Variants in TBC1D5 observed in about 807,000 individuals in gnomAD.
The protein encoded by TBC1D5 is TBC1 domain family member 5.
In TBC1D5, 75 loss-of-function variants were observed where a neutral mutation model predicts 100.3. The ratio of observed to expected loss-of-function variants is 0.75; its 90% CI spans 0.62 to 0.91. TBC1D5 has a LOEUF of 0.91. TBC1D5 is among the 40% of genes least tolerant of loss of function. The pLI is 0.00. For synonymous variants in TBC1D5, 323 were observed against 325.6 expected (o/e 0.99, Z 0.09); for missense variants, 910 against 942.4 (o/e 0.97, Z 0.45).
chr3:17,193,113 A>ATGTG (rs2070176985), intron 18 of TBC1D5, among the ~76,000 whole-genome samples: 1 of 152,214 alleles, frequency 6.6e-6, no homozygotes, highest in South Asian at 2.1e-4. Flanking sequence ...TAAAGTTAAA[A>ATGTG]ATTGCCTGTG....
intron 15 of TBC1D5, among the ~76,000 whole-genome samples, chr3:17,272,706 C>G (rs1245625257): frequency 6.6e-6 from 1 of 152,188 alleles, no homozygotes; most frequent in Non-Finnish European, 1.5e-5. Flanking sequence ...TCTGGCTAAA[C>G]ATACCATAAG....
intron 9 of TBC1D5, among the ~76,000 whole-genome samples, chr3:17,383,208 G>A (rs946681418): frequency 6.6e-6 from 1 of 151,518 alleles, no homozygotes; most frequent in South Asian, 2.1e-4. Flanking sequence ...TCCTGAATTA[G>A]GTATACATTA....
intron 4 of TBC1D5, among the ~76,000 whole-genome samples, chr3:17,420,238 T>A (rs1186334019): frequency 6.6e-6 from 1 of 151,012 alleles, no homozygotes; most frequent in Non-Finnish European, 1.5e-5. Flanking sequence ...TAGACAAACG[T>A]TGAAAAAGCA....
rs115444312 is a variant in TBC1D5 at position 17,498,761 on chromosome 3, G to A, written c.97+9713C>T. Among the ~76,000 whole-genome samples the A allele has an allele frequency of 3.8e-3, 576 of 152,070 alleles. 2 individuals carry two copies. Among genetic ancestry groups the A allele is most frequent in the African/African-American group, 0.013 (534 of 41,460 alleles). ...TCCTAAAGACAAACACACACAATGG[G>A]CCTAACTTAGATCTACAAGAAAAGT... is the stretch of plus-strand genomic sequence containing the variant. On this transcript the variant is annotated intron_variant, in intron 3 of 21. Coordinates refer to ENST00000253692, the Ensembl canonical transcript of TBC1D5.
intron 3 of TBC1D5, among the ~76,000 whole-genome samples, chr3:17,477,470 A>G (rs1444717857): frequency 6.6e-6 from 1 of 151,964 alleles, no homozygotes; most frequent in Non-Finnish European, 1.5e-5. Flanking sequence ...TCTGTCCCCA[A>G]ATTGGGATTG....
exon 22 of TBC1D5, chr3:17,161,046 A>G: frequency 1.9e-6 from 3 of 1,614,180 alleles, no homozygotes; most frequent in Non-Finnish European, 2.5e-6. Context: ...TTGCTGGAGG[A>G]AGCTGAGGCT....
intron 1 of TBC1D5, among the ~76,000 whole-genome samples, chr3:17,731,277 CG>C (rs1560576101): frequency 6.6e-6 from 1 of 151,814 alleles, no homozygotes; most frequent in African/African-American, 2.4e-5. Context: ...CCGAGGCGGG[CG>C]GATCACGAGG....
intron 18 of TBC1D5, among the ~76,000 whole-genome samples, chr3:17,200,195 G>A (rs1171212013): frequency 1.3e-5 from 2 of 152,172 alleles, no homozygotes; most frequent in East Asian, 3.8e-4. Flanking sequence ...CCTGTCTACT[G>A]ACCAAAGTAA....
intron 4 of TBC1D5, among the ~76,000 whole-genome samples, chr3:17,410,777 T>C (rs2093902809): frequency 6.6e-6 from 1 of 152,162 alleles, no homozygotes; most frequent in African/African-American, 2.4e-5. Context: ...TAATCTCATA[T>C]ATATAAAACT....
At chr3:17,398,683 C>T (rs2093569676) in intron 8 of TBC1D5, among the ~76,000 whole-genome samples, 1 of 152,066 alleles carries the variant, frequency 6.6e-6, no homozygotes, top group African/African-American at 2.4e-5. Flanking sequence ...AAGATCTGGG[C>T]TAACACAAGA....
chr3:17,388,852 C>G (rs11915044), intron 8 of TBC1D5, among the ~76,000 whole-genome samples: 13,864 of 151,906 alleles, frequency 0.091, 1,434 homozygotes, highest in African/African-American at 0.26. Context: ...AAGAGAGACA[C>G]ACCCTGTCTC....
chr3:17,508,499 C>T (rs761706337), exon 3 of TBC1D5: 2 of 1,613,642 alleles, frequency 1.2e-6, no homozygotes, highest in Non-Finnish European at 1.7e-6. Flanking sequence ...AGTAACTGGA[C>T]AAGGGGTCAA....
At chr3:17,207,265 A>T (rs2072335770) in intron 18 of TBC1D5, among the ~76,000 whole-genome samples, 1 of 152,252 alleles carries the variant, frequency 6.6e-6, no homozygotes, top group African/African-American at 2.4e-5. Context: ...AAAAAAAGTA[A>T]AAATTTATTT....
Position 17,238,102 on chromosome 3 carries a change from T to C in TBC1D5, c.1588+61A>G, listed in dbSNP as rs200980054. The C allele has an allele frequency of 1.9e-6, 3 of 1,542,652 alleles. No homozygotes were observed. In the Admixed American group the frequency reaches 6.1e-5, roughly 31 times the overall value. On this transcript the variant is annotated intron_variant, in intron 17 of 21. Coordinates refer to ENST00000253692, the Ensembl canonical transcript of TBC1D5. ...AGGAGATTGGTTCCTCACAGGCAGG[T>C]GAAGAAATCCCAGGCTACACCATGA...
chr3:17,614,147 T>C (rs1480486137), intron 2 of TBC1D5, among the ~76,000 whole-genome samples: 2 of 152,356 alleles, frequency 1.3e-5, no homozygotes, highest in African/African-American at 2.4e-5. Flanking sequence ...TAAAGAATCC[T>C]ATCCCCATTT....
chr3:17,315,756 G>A (rs933197697), intron 13 of TBC1D5, among the ~76,000 whole-genome samples: 1 of 152,160 alleles, frequency 6.6e-6, no homozygotes, highest in African/African-American at 2.4e-5. Context: ...TTCATTCAGA[G>A]TTTGTAATAG....
chr3:17,160,819 G>T, exon 22 of TBC1D5: 3 of 1,085,318 alleles, frequency 2.8e-6, no homozygotes, highest in Non-Finnish European at 3.9e-6. Context: ...TCTCTAAGGG[G>T]TTTCAAAGGG....
chr3:17,484,383 C>T (rs989211107), intron 3 of TBC1D5, among the ~76,000 whole-genome samples: 1 of 151,852 alleles, frequency 6.6e-6, no homozygotes, highest in African/African-American at 2.4e-5. Flanking sequence ...TCTCCCGCCC[C>T]AGGTTTGGGT....
At chr3:17,714,669 T>C (rs914773061) in intron 1 of TBC1D5, among the ~76,000 whole-genome samples, 2 of 152,198 alleles carry the variant, frequency 1.3e-5, no homozygotes, top group African/African-American at 2.4e-5. Context: ...AAAAACACTT[T>C]GGGAAAACAA....
Sources: allele counts gnomAD v4.1 joint callset (sites outside exome capture counted in the v4.1 genomes callset), GRCh38; gene constraint gnomAD v4.1.1; transcripts MANE v1.5; gene names NCBI Gene and HGNC (gene_info 2026-07-23, HGNC 2026-07-21).